The following MGAT4C variants were observed in gnomAD, a reference collection of about 807,000 sequenced individuals.
The protein encoded by MGAT4C is alpha-1,3-mannosyl-glycoprotein 4-beta-N-acetylglucosaminyltransferase C.
Under a neutral mutation model 40.1 loss-of-function variants are expected in MGAT4C, and 19 were observed. The observed-to-expected ratio is 0.47, with a 90% CI of 0.33 to 0.70. The LOEUF is 0.70. Among genes scored for constraint, MGAT4C ranks in the 30% least tolerant of loss-of-function variants. The probability of loss-of-function intolerance (pLI) is 0.02; values close to 1 mark genes in which losing one functional copy is unlikely to be tolerated. For synonymous variants in MGAT4C, 181 were observed against 187.1 expected (o/e 0.97, Z 0.27); for missense variants, 491 against 563.2 (o/e 0.87, Z 1.30).
intron 1 of MGAT4C, among the ~76,000 whole-genome samples, chr12:86,751,376 A>G (rs188952779): frequency 4.6e-5 from 7 of 152,112 alleles, no homozygotes; most frequent in Admixed American, 3.9e-4. Context: ...CTTTTAACGA[A>G]CATTAACCAG....
chr12:86,609,269 C>T (rs928124708), intron 2 of MGAT4C, among the ~76,000 whole-genome samples: 1 of 152,064 alleles, frequency 6.6e-6, no homozygotes, highest in Admixed American at 6.6e-5. Context: ...AAGGACATGA[C>T]TGTTTGCAAA....
At chr12:86,152,639 C>T (rs1278034914) in intron 1 of MGAT4C, among the ~76,000 whole-genome samples, 1 of 152,196 alleles carries the variant, frequency 6.6e-6, no homozygotes, top group Non-Finnish European at 1.5e-5. Context: ...CACAGGGCTA[C>T]TCTATTCATA....
intron 2 of MGAT4C, among the ~76,000 whole-genome samples, chr12:86,518,018 A>T (rs985114980): frequency 1.3e-5 from 2 of 151,988 alleles, no homozygotes; most frequent in African/African-American, 2.4e-5. Flanking sequence ...CCTGCTTTGA[A>T]CTTTCCCCGT....
intron 2 of MGAT4C, among the ~76,000 whole-genome samples, chr12:86,694,611 G>A (rs1950223738): frequency 6.6e-6 from 1 of 152,072 alleles, no homozygotes; most frequent in Admixed American, 6.6e-5. Context: ...AATATGTCAT[G>A]TCAGGGTCAC....
At chr12:86,087,690 G>A (rs902694991) in intron 1 of MGAT4C, among the ~76,000 whole-genome samples, 3 of 151,936 alleles carry the variant, frequency 2.0e-5, no homozygotes, top group African/African-American at 7.2e-5. Context: ...TAAACAGGGA[G>A]ATGAAAGATT....
At chr12:85,984,458 T>C (rs1252702141) in intron 3 of MGAT4C, among the ~76,000 whole-genome samples, 1 of 152,176 alleles carries the variant, frequency 6.6e-6, no homozygotes, top group Admixed American at 6.5e-5. Flanking sequence ...TATTTGGTGA[T>C]GGATTTTGCA....
At chr12:86,622,685 T>C (rs1325163743) in intron 2 of MGAT4C, among the ~76,000 whole-genome samples, 1 of 152,112 alleles carries the variant, frequency 6.6e-6, no homozygotes, top group Non-Finnish European at 1.5e-5. Context: ...AGCTCAAGAA[T>C]ATTAATGAGA....
intron 2 of MGAT4C, among the ~76,000 whole-genome samples, chr12:86,682,871 G>T (rs1220032512): frequency 6.6e-6 from 1 of 152,156 alleles, no homozygotes; most frequent in Non-Finnish European, 1.5e-5. Context: ...AAAGAATGAT[G>T]TGCTTGTCTG....
At chr12:86,785,230 G>C (rs1035413914) in intron 1 of MGAT4C, among the ~76,000 whole-genome samples, 9 of 151,976 alleles carry the variant, frequency 5.9e-5, no homozygotes, top group Non-Finnish European at 8.8e-5. Flanking sequence ...ACTGAGTTCA[G>C]TATATTGATT....
At chr12:86,704,153 T>C (rs1002876386) in intron 2 of MGAT4C, among the ~76,000 whole-genome samples, 7 of 152,170 alleles carry the variant, frequency 4.6e-5, no homozygotes, top group African/African-American at 1.7e-4. Context: ...AATTATTTCA[T>C]TTACTTTTTA....
At chr12:86,454,714 G>A (rs1006683842) in intron 2 of MGAT4C, among the ~76,000 whole-genome samples, 3 of 152,068 alleles carry the variant, frequency 2.0e-5, no homozygotes, top group African/African-American at 7.2e-5. Context: ...AGTAAGCAAA[G>A]AGCAAATTCA....
intron 1 of MGAT4C, among the ~76,000 whole-genome samples, chr12:86,753,270 C>T (rs1593174825): frequency 2.6e-5 from 4 of 152,096 alleles, no homozygotes; most frequent in South Asian, 4.1e-4. Context: ...GGTGGAAAAC[C>T]GCTTAAAGGC....
intron 3 of MGAT4C, among the ~76,000 whole-genome samples, chr12:86,352,329 A>G (rs1272242184): frequency 1.3e-5 from 2 of 152,118 alleles, no homozygotes; most frequent in Non-Finnish European, 2.9e-5. Context: ...CTTGAAAAAA[A>G]TTAGTTCAAT....
At chr12:86,367,811 C>A (rs547965194) in intron 3 of MGAT4C, among the ~76,000 whole-genome samples, 1 of 151,306 alleles carries the variant, frequency 6.6e-6, no homozygotes. Flanking sequence ...AAAAAACAAA[C>A]AAACAAACAA....
At chr12:86,298,695 G>GA (rs1953739264) in intron 4 of MGAT4C, among the ~76,000 whole-genome samples, 1 of 151,932 alleles carries the variant, frequency 6.6e-6, no homozygotes, top group African/African-American at 2.4e-5. Flanking sequence ...TATTAAGTTG[G>GA]AAAAAACATA....
At chr12:86,818,755 AGAACAGAAACACATATG>A (rs1250342036) in intron 1 of MGAT4C, among the ~76,000 whole-genome samples, 1 of 151,242 alleles carries the variant, frequency 6.6e-6, no homozygotes, top group Non-Finnish European at 1.5e-5. Flanking sequence ...CTCAAGTGCT[AGAACAGAAACACATATG>A]ATAAAGAACT....
At chr12:86,713,349 G>T (rs1188715320) in intron 2 of MGAT4C, among the ~76,000 whole-genome samples, 9 of 151,978 alleles carry the variant, frequency 5.9e-5, no homozygotes, top group African/African-American at 2.2e-4. Flanking sequence ...AACAGCTGTT[G>T]AACATTCAAC....
chr12:86,431,838 A>G (rs1448187641), intron 3 of MGAT4C, among the ~76,000 whole-genome samples: 1 of 152,146 alleles, frequency 6.6e-6, no homozygotes, highest in Admixed American at 6.6e-5. Flanking sequence ...CTGTATCCAT[A>G]TAGAATCAAG....
chr12:86,344,327 C>T (rs80352184), intron 3 of MGAT4C, among the ~76,000 whole-genome samples: 1 of 152,172 alleles, frequency 6.6e-6, no homozygotes, highest in African/African-American at 2.4e-5. Context: ...AGGGACTATT[C>T]TATCACAAGG....
Sources: allele counts gnomAD v4.1 joint callset (sites outside exome capture counted in the v4.1 genomes callset), GRCh38; gene constraint gnomAD v4.1.1; transcripts MANE v1.5; gene names NCBI Gene and HGNC (gene_info 2026-07-23, HGNC 2026-07-21).